Variants in PRKG2 observed in about 807,000 individuals in gnomAD.
PRKG2 encodes the protein protein kinase cGMP-dependent 2, also known as cGMP-dependent protein kinase 2.
PRKG2 carries 33 observed loss-of-function variants against 97.2 expected under a neutral mutation model. That is an observed-to-expected ratio of 0.34 (90% CI 0.26 to 0.45). The LOEUF is 0.45. Among genes scored for constraint, PRKG2 ranks in the 20% least tolerant of loss-of-function variants. The pLI, the probability that PRKG2 is intolerant of heterozygous loss-of-function variation, is 1.00. For missense variants in PRKG2, 638 were observed against 900.0 expected, an observed-to-expected ratio of 0.71 and a Z score of 3.73; for synonymous variants, 330 against 321.8, an observed-to-expected ratio of 1.03 and a Z score of -0.27.
intron 14 of PRKG2, among the ~76,000 whole-genome samples, chr4:81,129,878 T>G (rs762947530): frequency 3.9e-5 from 6 of 152,232 alleles, no homozygotes; most frequent in Non-Finnish European, 7.3e-5. Context: ...GTCATTATGA[T>G]GATAGCTGCT....
intron 2 of PRKG2, among the ~76,000 whole-genome samples, chr4:81,188,033 A>C (rs936843898): frequency 1.6e-4 from 25 of 152,350 alleles, no homozygotes; most frequent in African/African-American, 5.5e-4. Flanking sequence ...GGATCTCATT[A>C]AACTAAAGAG....
intron 16 of PRKG2, among the ~76,000 whole-genome samples, chr4:81,105,384 A>G (rs1011244514): frequency 7.9e-5 from 12 of 152,190 alleles, no homozygotes; most frequent in African/African-American, 2.9e-4. Flanking sequence ...AGAAACAAGA[A>G]CATTGAATAT....
intron 6 of PRKG2, chr4:81,164,834 G>A (rs971672812): frequency 6.6e-6 from 1 of 152,144 alleles, no homozygotes; most frequent in African/African-American, 2.4e-5. Context: ...AAGGCCACTG[G>A]ATCAAATACC....
intron 12 of PRKG2, among the ~76,000 whole-genome samples, chr4:81,139,034 C>T (rs1224823715): frequency 6.6e-6 from 1 of 152,110 alleles, no homozygotes; most frequent in Non-Finnish European, 1.5e-5. Context: ...CCAGAAATCA[C>T]TAAAACTACA....
At position 81,209,447 on chromosome 4, in the gene PRKG2, G is replaced by T. The variant is rs1382520870; in HGVS notation, c.-13-4387C>A. Among the ~76,000 whole-genome samples the T allele has an allele frequency of 2.0e-5, 3 of 152,080 alleles. No homozygotes were observed. In the East Asian group the frequency reaches 5.8e-4, roughly 29 times the overall value. On this transcript the variant is annotated intron_variant, in intron 1 of 18. Transcript: ENST00000264399. ...CTGTCAATATGGGAGATGGTATGGTGCTGGCTAAGGTTATGGATCCAGAGT... is the reference window on the plus strand; with the variant it reads ...CTGTCAATATGGGAGATGGTATGGTTCTGGCTAAGGTTATGGATCCAGAGT...
intron 17 of PRKG2, among the ~76,000 whole-genome samples, chr4:81,099,067 T>A (rs1742430207): frequency 6.6e-6 from 1 of 152,194 alleles, no homozygotes; most frequent in Non-Finnish European, 1.5e-5. Context: ...CATTGTACCT[T>A]ACAAGTATAT....
In PRKG2 at chr4:81,130,986, A is replaced by G. The variant is rs539344519; in HGVS notation, c.1776+4169T>C. On this transcript the variant is annotated intron_variant, in intron 14 of 18. Coordinates refer to ENST00000264399, the MANE Select transcript of PRKG2 (RefSeq NM_006259.3). Reference sequence around the variant, plus strand: ...CTGGCTTCAGCCCCCTTTCCAGGGGAATGAATGGTTCTGTCTCACTTGCAT... The same window carrying G: ...CTGGCTTCAGCCCCCTTTCCAGGGGGATGAATGGTTCTGTCTCACTTGCAT... Among the ~76,000 whole-genome samples, 17 of 152,256 alleles carry G rather than the reference A, an allele frequency of 1.1e-4. No homozygotes were observed. The East Asian group carries it at 3.3e-3, about 29-fold the overall frequency.
chr4:81,135,379 G>T, intron 13 of PRKG2, 83 bp from the exon 14 acceptor site: 1 of 1,395,670 alleles, frequency 7.2e-7, no homozygotes, highest in Admixed American at 2.1e-5. Flanking sequence ...TTATTGGATT[G>T]GCAGGTTTAT....
At chr4:81,115,186 C>T (rs939461673) in intron 14 of PRKG2, among the ~76,000 whole-genome samples, 1 of 152,036 alleles carries the variant, frequency 6.6e-6, no homozygotes, top group Non-Finnish European at 1.5e-5. Flanking sequence ...CTAGATATTG[C>T]CAAAATTTTC....
At chr4:81,123,207 C>T (rs1745230332) in intron 14 of PRKG2, among the ~76,000 whole-genome samples, 1 of 152,100 alleles carries the variant, frequency 6.6e-6, no homozygotes, top group Non-Finnish European at 1.5e-5. Flanking sequence ...TGCCAAATTC[C>T]TATTATTTTT....
At chr4:81,194,391 T>C (rs1193428852) in intron 2 of PRKG2, among the ~76,000 whole-genome samples, 1 of 150,806 alleles carries the variant, frequency 6.6e-6, no homozygotes, top group Non-Finnish European at 1.5e-5. Flanking sequence ...TAATTGTTTT[T>C]GAGTGATGAA....
chr4:81,176,231 A>G (rs1040637258), intron 2 of PRKG2, among the ~76,000 whole-genome samples: 9 of 152,148 alleles, frequency 5.9e-5, no homozygotes, highest in African/African-American at 2.2e-4. Flanking sequence ...ATTTGTTTTA[A>G]AAAGTATCAC....
In PRKG2 at chr4:81,184,990, A is replaced by AT. The variant is rs1751741927; in HGVS notation, c.462-10032_462-10031insA. Among the ~76,000 whole-genome samples, 3 of 135,154 alleles carry AT rather than the reference A, an allele frequency of 2.2e-5. No homozygotes were observed. In the South Asian group the frequency reaches 6.7e-4, roughly 30 times the overall value. 88.7% of individuals were successfully genotyped at this position (135,154 alleles called of 152,430 possible). A position where few individuals can be genotyped will look rare whatever the true frequency, so the allele number is the denominator to read the frequency against. ...AAAGCCTAATATGTGAAAAGACCAA[A>AT]CTTACATTTGAGTGGTATACCTGAA... On this transcript the variant is annotated intron_variant, in intron 2 of 18. Coordinates refer to ENST00000264399, the MANE Select transcript of PRKG2 (RefSeq NM_006259.3).
At chr4:81,199,435 T>C (rs867139437) in intron 2 of PRKG2, among the ~76,000 whole-genome samples, 2 of 152,192 alleles carry the variant, frequency 1.3e-5, no homozygotes, top group African/African-American at 2.4e-5. Flanking sequence ...AAAAATTATC[T>C]ATAGGAATGA....
chr4:81,163,693 G>A (rs990381014), intron 6 of PRKG2, among the ~76,000 whole-genome samples: 6 of 151,906 alleles, frequency 3.9e-5, no homozygotes, highest in African/African-American at 1.5e-4. Context: ...AAAACCAGAA[G>A]GAAATTCCAA....
intron 2 of PRKG2, among the ~76,000 whole-genome samples, chr4:81,202,898 C>T (rs1753406080): frequency 6.6e-6 from 1 of 152,010 alleles, no homozygotes; most frequent in East Asian, 1.9e-4. Flanking sequence ...CAAGAGAATA[C>T]ATCTGGTGTC....
chr4:81,136,845 T>C (rs1308048146), intron 13 of PRKG2, among the ~76,000 whole-genome samples: 2 of 152,230 alleles, frequency 1.3e-5, no homozygotes, highest in African/African-American at 4.8e-5. Context: ...AGGTAAAGTT[T>C]CTACTTTTTA....
chr4:81,184,118 T>C (rs1751670294), intron 2 of PRKG2, among the ~76,000 whole-genome samples: 1 of 152,158 alleles, frequency 6.6e-6, no homozygotes, highest in Non-Finnish European at 1.5e-5. Flanking sequence ...GAGCAGCGTA[T>C]CTCCCAGCAC....
intron 1 of PRKG2, among the ~76,000 whole-genome samples, chr4:81,207,950 G>T (rs1049770234): frequency 6.6e-6 from 1 of 152,164 alleles, no homozygotes; most frequent in East Asian, 1.9e-4. Context: ...AATATGTATT[G>T]CTAGCCACAA....
Sources: gnomAD v4.1 joint callset for allele counts (sites outside exome capture counted in the v4.1 genomes callset) on GRCh38, gnomAD v4.1.1 for gene constraint, MANE v1.5 for transcripts, NCBI Gene and HGNC (gene_info 2026-07-23, HGNC 2026-07-21) for gene names.